RNF170: variants seen among roughly 807,000 people sequenced by gnomAD.
RNF170 encodes the protein E3 ubiquitin-protein ligase RNF170.
Under a neutral mutation model 32.7 loss-of-function variants are expected in RNF170, and 12 were observed. The observed-to-expected ratio is 0.37, with a 90% CI of 0.24 to 0.60. The LOEUF (loss-of-function observed/expected upper bound fraction) is 0.60, where lower values mean the gene tolerates loss of function less well. Among genes scored for constraint, RNF170 ranks in the 20% least tolerant of loss-of-function variants. RNF170 has a pLI of 0.72. For missense variants in RNF170, 212 were observed against 311.2 expected (o/e 0.68, Z 2.40); for synonymous variants, 91 against 103.6 (o/e 0.88, Z 0.74).
chr8:42,889,559 T>C (rs1806123471), intron 1 of RNF170: 1 of 152,220 alleles, frequency 6.6e-6, no homozygotes, highest in South Asian at 2.1e-4. Context: ...GACGTCTTAA[T>C]ACCTTTGAAA....
chr8:42,851,114 T>C, downstream of RNF170: 1 of 1,440,024 alleles, frequency 6.9e-7, no homozygotes, highest in Non-Finnish European at 9.3e-7. Flanking sequence ...CATGCCCTCC[T>C]TCCAGCTCCC....
intron 5 of RNF170, among the ~76,000 whole-genome samples, 177 bp downstream of exon 5, chr8:42,865,239 C>CA (rs1021085804): frequency 3.4e-5 from 5 of 147,064 alleles, no homozygotes; most frequent in Non-Finnish European, 7.5e-5. Flanking sequence ...GACCTTTTTT[C>CA]AAAAAAAATA....
chr8:42,853,945 G>GATT lies in RNF170; in HGVS notation c.*2213_*2214insAAT, dbSNP rs1305175451. ...TGTAACCAGAATTGTGACACTTGGA[G>GATT]CAGAATGCATGCACACAAAATAAAA... On this transcript the variant is annotated 3_prime_UTR_variant, in exon 7 of 7. Transcript: ENST00000527424. The GATT allele has an allele frequency of 2.3e-6, 3 of 1,287,090 alleles. No individual in the cohort carries two copies. The Admixed American group carries it at 6.9e-5, about 30-fold the overall frequency. 79.7% of individuals were successfully genotyped at this position (1,287,090 alleles called of 1,614,324 possible).
chr8:42,855,144 T>C lies in RNF170; in HGVS notation c.*1015A>G, dbSNP rs907041505. On this transcript the variant is annotated 3_prime_UTR_variant, in exon 7 of 7. Transcript: ENST00000527424. ...CAATCTTCCCTTTACAAATTACTTT[T>C]ATATCTACTACGAAAGGATGAGCTC... is the stretch of plus-strand genomic sequence containing the variant. 7.8e-7 allele frequency: 1 copy of C among 1,287,058 alleles called. No individual in the cohort carries two copies. The highest frequency in any genetic ancestry group is 1.0e-6 in the Non-Finnish European group (1 of 988,694). The allele number at this position is 1,287,058 out of a possible 1,614,324, so 79.7% of individuals were successfully genotyped here. A position where few individuals can be genotyped will look rare whatever the true frequency, so the allele number is the denominator to read the frequency against.
At chr8:42,866,400 G>A (rs1249019338) in intron 4 of RNF170, among the ~76,000 whole-genome samples, 5 of 151,878 alleles carry the variant, frequency 3.3e-5, no homozygotes, top group African/African-American at 1.2e-4. Context: ...AATTAGCCGG[G>A]GGTGGTGGTG....
chr8:42,861,966 C>A, intron 5 of RNF170, 111 bp from the exon 6 acceptor site: 1 of 1,230,102 alleles, frequency 8.1e-7, no homozygotes, highest in South Asian at 1.7e-5. Flanking sequence ...ATATTTCACT[C>A]ATTTTTAAAT....
At chr8:42,894,061 T>C (rs1178267237) in intron 1 of RNF170, among the ~76,000 whole-genome samples, 1 of 152,160 alleles carries the variant, frequency 6.6e-6, no homozygotes, top group Non-Finnish European at 1.5e-5. Context: ...GGAGAGAATC[T>C]CAGTGTCTTT....
intron 6 of RNF170, among the ~76,000 whole-genome samples, chr8:42,858,157 T>TA (rs910740693): frequency 1.3e-4 from 20 of 149,670 alleles, no homozygotes; most frequent in Non-Finnish European, 2.7e-4. Context: ...GGAGGATATG[T>TA]AAAAAAAAAA....
chr8:42,894,762 A>C (rs1563280319), intron 1 of RNF170, among the ~76,000 whole-genome samples: 1 of 152,014 alleles, frequency 6.6e-6, no homozygotes, highest in Non-Finnish European at 1.5e-5. Flanking sequence ...ACGGGGTTTC[A>C]CCATGTTGGC....
intron 1 of RNF170, among the ~76,000 whole-genome samples, chr8:42,888,387 A>G (rs1398567643): frequency 6.6e-6 from 1 of 152,018 alleles, no homozygotes; most frequent in Non-Finnish European, 1.5e-5. Context: ...TTTAAGGAAA[A>G]CAATTACTAT....
chr8:42,852,128 G>T (rs1288345661), downstream of RNF170, among the ~76,000 whole-genome samples: 1 of 152,204 alleles, frequency 6.6e-6, no homozygotes, highest in Non-Finnish European at 1.5e-5. Flanking sequence ...GTTCAGAGAA[G>T]CTGGGGGCAC....
Position 42,854,846 on chromosome 8 carries a change from G to C in RNF170, c.*1313C>G. On this transcript the variant is annotated 3_prime_UTR_variant, in exon 7 of 7. Transcript: ENST00000527424. Reference sequence around the variant, plus strand: ...ATCTCCCAGTACCATGTGGTACTGAGTCTTCTCAGATACATTCACTTGTTT... The same window carrying C: ...ATCTCCCAGTACCATGTGGTACTGACTCTTCTCAGATACATTCACTTGTTT... 7.8e-7 allele frequency: 1 copy of C among 1,287,258 alleles called. No homozygotes were observed. The highest frequency in any genetic ancestry group is 1.0e-6 in the Non-Finnish European group (1 of 988,700). 79.7% of individuals were successfully genotyped at this position (1,287,258 alleles called of 1,614,324 possible). A position where few individuals can be genotyped will look rare whatever the true frequency, so the allele number is the denominator to read the frequency against.
At chr8:42,863,407 A>G (rs1333215486) in intron 5 of RNF170, among the ~76,000 whole-genome samples, 5 of 152,056 alleles carry the variant, frequency 3.3e-5, no homozygotes. Flanking sequence ...AGAGCAAAAG[A>G]TGCCAAGAAG....
intron 2 of RNF170, among the ~76,000 whole-genome samples, chr8:42,876,246 G>T (rs959845297): frequency 1.8e-4 from 27 of 150,158 alleles, no homozygotes; most frequent in Non-Finnish European, 3.6e-4. Flanking sequence ...TATTTAAATA[G>T]AATATATTTT....
upstream of RNF170, chr8:42,897,063 C>T (rs1351822265): frequency 9.4e-6 from 11 of 1,175,542 alleles, no homozygotes; most frequent in East Asian, 9.6e-5. Flanking sequence ...CGCGGGCCCC[C>T]GGATCCCCCG....
At chr8:42,877,751 G>A (rs1006609949) in intron 2 of RNF170, among the ~76,000 whole-genome samples, 2 of 151,914 alleles carry the variant, frequency 1.3e-5, no homozygotes, top group East Asian at 1.9e-4. Context: ...AAAAGCACAG[G>A]CCAAAAAAAG....
intron 4 of RNF170, among the ~76,000 whole-genome samples, chr8:42,869,310 C>A (rs905971459): frequency 9.2e-5 from 14 of 152,316 alleles, no homozygotes; most frequent in Middle Eastern, 3.4e-3. Flanking sequence ...ATAACTGATA[C>A]TTTGCCCCTC....
chr8:42,872,592 G>A (rs747215181), intron 3 of RNF170, among the ~76,000 whole-genome samples: 5 of 151,872 alleles, frequency 3.3e-5, no homozygotes, highest in African/African-American at 7.3e-5. Context: ...ACAGGTGTGC[G>A]CCACCATGCC....
In RNF170 at chr8:42,854,403, G is replaced by T. The variant is rs770853113; in HGVS notation, c.*1756C>A. 4.8e-5 allele frequency: 62 copies of T among 1,287,082 alleles called. No homozygotes were observed. Among genetic ancestry groups the T allele is most frequent in the Admixed American group, 6.9e-5 (3 of 43,536 alleles). 79.7% of individuals were successfully genotyped at this position (1,287,082 alleles called of 1,614,324 possible). On this transcript the variant is annotated 3_prime_UTR_variant, in exon 7 of 7. Transcript: ENST00000527424. ...TCATTCAAAAACACTTTCATCAATA[G>T]CATGGGGATTGTATCTATGAAAGGG...
Sources: allele counts gnomAD v4.1 joint callset (sites outside exome capture counted in the v4.1 genomes callset), GRCh38; gene constraint gnomAD v4.1.1; transcripts MANE v1.5; gene names NCBI Gene and HGNC (gene_info 2026-07-23, HGNC 2026-07-21).